TRPM6: variants seen among roughly 807,000 people sequenced by gnomAD.
The protein encoded by TRPM6 is channel kinase 2.
In TRPM6, 111 loss-of-function variants were observed where a neutral mutation model predicts 247.6. The observed-to-expected ratio is 0.45, with a 90% confidence interval of 0.38 to 0.52. TRPM6 has a LOEUF of 0.52. Among genes scored for constraint, TRPM6 ranks in the 20% least tolerant of loss-of-function variants. The pLI, the probability that TRPM6 is intolerant of heterozygous loss-of-function variation, is 0.00. For missense variants in TRPM6, 2,126 were observed against 2,421.5 expected (o/e 0.88, Z 2.56); for synonymous variants, 892 against 853.8 (o/e 1.04, Z -0.78).
In TRPM6 at chr9:74,755,583, A is replaced by C. The variant is rs115893592; in HGVS notation, c.4786-110T>G. 2,155 of 1,364,018 alleles carry C rather than the reference A, an allele frequency of 1.6e-3. 23 individuals are homozygous for C. In the African/African-American group the frequency reaches 0.027, roughly 17 times the overall value. The allele number at this position is 1,364,018 out of a possible 1,614,324, so 84.5% of individuals were successfully genotyped here. A position where few individuals can be genotyped will look rare whatever the true frequency, so the allele number is the denominator to read the frequency against. On this transcript the variant is annotated intron_variant, in intron 27 of 38. Coordinates refer to ENST00000360774, the MANE Select transcript of TRPM6 (RefSeq NM_017662.5). ...GGCAGTGTCTGTTAACACTGGCTGC[A>C]TATGACAATTGCCTGGGAAGTGCTG...
rs34131464 is a variant in TRPM6, at chr9:74,804,056, C to CA, written c.1639-171_1639-170insT. ...ACCAAATATCCATGCCTCTGTTTCT[C>CA]TCCATGATTAGCACCCAACAAGAGC... On this transcript the variant is annotated intron_variant, in intron 14 of 38. Coordinates refer to ENST00000360774, the MANE Select transcript of TRPM6 (RefSeq NM_017662.5). 0.64 allele frequency among the ~76,000 whole-genome samples: 97,084 copies of CA among 151,972 alleles called. 32,220 individuals carry two copies. Among genetic ancestry groups the CA allele is most frequent in the African/African-American group, 0.82 (33,993 of 41,466 alleles).
At chr9:74,773,755 T>G (rs1215672581) in intron 24 of TRPM6, among the ~76,000 whole-genome samples, 1 of 152,212 alleles carries the variant, frequency 6.6e-6, no homozygotes, top group Non-Finnish European at 1.5e-5. Context: ...CTGTTAAAAT[T>G]AATGACAAAA....
Position 74,747,919 on chromosome 9 carries a change from T to C in TRPM6, c.5058-5A>G. ...ACTCCAATTGAACTTTTCAGCCTGTTTGAAAAAAAAATGAAGTTGTTTAGA... is the reference window on the plus strand; with the variant it reads ...ACTCCAATTGAACTTTTCAGCCTGTCTGAAAAAAAAATGAAGTTGTTTAGA... On this transcript the variant is annotated splice_region_variant and splice_polypyrimidine_tract_variant and intron_variant, in intron 30 of 38. Transcript: ENST00000360774. 1 of 1,611,750 alleles carries C rather than the reference T, an allele frequency of 6.2e-7. No individual in the cohort carries two copies. The highest frequency in any genetic ancestry group is 8.5e-7 in the Non-Finnish European group (1 of 1,178,854).
At chr9:74,831,514 C>T (rs956881370) in intron 6 of TRPM6, among the ~76,000 whole-genome samples, 7 of 151,924 alleles carry the variant, frequency 4.6e-5, no homozygotes, top group African/African-American at 1.7e-4. Flanking sequence ...AAATAAAAAG[C>T]TATGTCCCAC....
At chr9:74,757,716 C>T (rs1256334587) in intron 27 of TRPM6, among the ~76,000 whole-genome samples, 2 of 152,142 alleles carry the variant, frequency 1.3e-5, no homozygotes, top group Non-Finnish European at 2.9e-5. Flanking sequence ...AGTTCGAGAT[C>T]AGCCTGGTCA....
chr9:74,756,805 C>T (rs1826443240), intron 27 of TRPM6, among the ~76,000 whole-genome samples: 2 of 151,050 alleles, frequency 1.3e-5, no homozygotes, highest in Non-Finnish European at 1.5e-5. Context: ...GCTGAGATGA[C>T]AACTGCACTC....
Position 74,724,702 on chromosome 9 carries a change from A to G in TRPM6, c.5980T>C (p.Phe1994Leu), listed in dbSNP as rs938008725. Reference protein sequence around the residue: ...DYSPERINSTFGLEIKIESAE... With the variant: ...DYSPERINSTLGLEIKIESAE... ...GATTCTATTTTTATCTCAAGTCCAA[A>G]GGTGGAATTTATCCTTTCAGGGGAA... Residue 1994 changes from phenylalanine to leucine, a missense_variant, in exon 39 of 39, where the codon TTT becomes CTT. Around this residue, in one of 3 missense-constraint regions of TRPM6, gnomAD observed 327 missense variants for 397.7 expected, o/e 0.82. Transcript: ENST00000360774. 4 of 1,614,034 alleles carry G rather than the reference A, an allele frequency of 2.5e-6. No homozygotes were observed. Among genetic ancestry groups the G allele is most frequent in the Non-Finnish European group, 8.5e-7 (1 of 1,180,024 alleles).
chr9:74,742,438 A>G (rs1387475512), intron 33 of TRPM6, 123 bp downstream of exon 33: 3 of 902,930 alleles, frequency 3.3e-6, no homozygotes, highest in Non-Finnish European at 3.5e-6. Context: ...GAATCTCACT[A>G]AACTACAACT....
At position 74,792,783 on chromosome 9, in the gene TRPM6, C is replaced by A. The variant is rs746496618; in HGVS notation, c.2392-13G>T. 5.0e-6 allele frequency: 8 copies of A among 1,610,994 alleles called. No homozygotes were observed. The highest frequency in any genetic ancestry group is 1.7e-4 in the Middle Eastern group (1 of 6,052). On this transcript the variant is annotated splice_polypyrimidine_tract_variant and intron_variant, in intron 18 of 38. Transcript: ENST00000360774. ...AATCATACTCTTTCTATAAAATAAA[C>A]AAATAATCATTTTCTTGTCAGCAGC...
At chr9:74,760,019 C>A (rs1390143908) in intron 27 of TRPM6, among the ~76,000 whole-genome samples, 1 of 152,212 alleles carries the variant, frequency 6.6e-6, no homozygotes, top group Non-Finnish European at 1.5e-5. Context: ...TGACAGACCA[C>A]TAATACAACG....
chr9:74,790,037 G>GT (rs1564015649), intron 19 of TRPM6, among the ~76,000 whole-genome samples: 18 of 122,964 alleles, frequency 1.5e-4, no homozygotes, highest in African/African-American at 5.3e-4. Context: ...TGTGTGTGTG[G>GT]GTTCATTCTC....
intron 1 of TRPM6, among the ~76,000 whole-genome samples, chr9:74,869,399 G>C (rs1048888427): frequency 6.6e-6 from 1 of 151,480 alleles, no homozygotes; most frequent in African/African-American, 2.4e-5. Flanking sequence ...GAACCCAGGA[G>C]GCGGAGGTAA....
At chr9:74,741,350 T>TAA (rs1371465790) in intron 33 of TRPM6, among the ~76,000 whole-genome samples, 1 of 152,040 alleles carries the variant, frequency 6.6e-6, no homozygotes, top group Non-Finnish European at 1.5e-5. Flanking sequence ...TATATATATA[T>TAA]GAACACGGTA....
chr9:74,729,851 T>C (rs1285631752), intron 37 of TRPM6, among the ~76,000 whole-genome samples: 1 of 152,176 alleles, frequency 6.6e-6, no homozygotes, highest in Non-Finnish European at 1.5e-5. Context: ...ATACCTGCCA[T>C]TTCTTCCTCC....
intron 24 of TRPM6, among the ~76,000 whole-genome samples, chr9:74,772,691 A>G (rs1358721941): frequency 6.6e-6 from 1 of 152,058 alleles, no homozygotes; most frequent in African/African-American, 2.4e-5. Context: ...TGAAATGTAT[A>G]ATCAATTAAT....
At chr9:74,831,363 G>T (rs1417546062) in intron 6 of TRPM6, among the ~76,000 whole-genome samples, 1 of 152,124 alleles carries the variant, frequency 6.6e-6, no homozygotes, top group Non-Finnish European at 1.5e-5. Context: ...GGTAGCGGGT[G>T]CCTGTTATCC....
intron 33 of TRPM6, among the ~76,000 whole-genome samples, chr9:74,740,422 T>C (rs890237759): frequency 2.0e-5 from 3 of 152,240 alleles, no homozygotes; most frequent in Non-Finnish European, 4.4e-5. Flanking sequence ...TCTCACAACC[T>C]ATTAATACAG....
chr9:74,811,401 G>A (rs1272831278), intron 12 of TRPM6, among the ~76,000 whole-genome samples: 1 of 152,158 alleles, frequency 6.6e-6, no homozygotes, highest in East Asian at 1.9e-4. Flanking sequence ...AAGAAGACAA[G>A]ACTTGAATAA....
At chr9:74,860,836 G>C (rs749673406) in intron 1 of TRPM6, among the ~76,000 whole-genome samples, 20 of 152,112 alleles carry the variant, frequency 1.3e-4, no homozygotes, top group Non-Finnish European at 2.2e-4. Context: ...TGGGCAACAT[G>C]GTGAAACCCT....
Sources: allele counts gnomAD v4.1 joint callset (sites outside exome capture counted in the v4.1 genomes callset), GRCh38; gene constraint gnomAD v4.1.1; regional missense constraint gnomAD v4.1.1; transcripts MANE v1.5; gene names NCBI Gene and HGNC (gene_info 2026-07-23, HGNC 2026-07-21).